PDGFD: variants seen among roughly 807,000 people sequenced by gnomAD.
The protein encoded by PDGFD is platelet-derived growth factor D.
A neutral mutation model predicts 44.7 loss-of-function variants in PDGFD; 30 were observed. That is an observed-to-expected ratio of 0.67 (90% CI 0.50 to 0.91). The LOEUF is 0.91. PDGFD is among the 40% of genes least tolerant of loss of function. PDGFD has a pLI of 0.00. For missense variants in PDGFD, 445 were observed against 457.8 expected, an observed-to-expected ratio of 0.97 and a Z score of 0.25; for synonymous variants, 173 against 168.4, an observed-to-expected ratio of 1.03 and a Z score of -0.21.
intron 1 of PDGFD, among the ~76,000 whole-genome samples, chr11:104,085,324 T>C (rs61892467): frequency 1.5e-3 from 229 of 152,300 alleles, no homozygotes; most frequent in Non-Finnish European, 2.4e-3. Context: ...GTTATATAAG[T>C]AGGCTGCTTT....
At chr11:104,060,338 C>T (rs560765922) in intron 1 of PDGFD, among the ~76,000 whole-genome samples, 14 of 152,314 alleles carry the variant, frequency 9.2e-5, no homozygotes, top group African/African-American at 3.4e-4. Flanking sequence ...GGCTTTTCCA[C>T]TGTCTTGGAC....
chr11:103,944,524 A>AT, intron 4 of PDGFD, among the ~76,000 whole-genome samples: 1 of 152,288 alleles, frequency 6.6e-6, no homozygotes, highest in African/African-American at 2.4e-5. Flanking sequence ...GCCTCAAATG[A>AT]TTTTTAAATG....
chr11:104,011,580 G>C (rs1859787947), intron 1 of PDGFD, among the ~76,000 whole-genome samples: 2 of 152,012 alleles, frequency 1.3e-5, no homozygotes, highest in Admixed American at 1.3e-4. Flanking sequence ...AGTTGGGACA[G>C]AGTTTTCATA....
intron 1 of PDGFD, among the ~76,000 whole-genome samples, chr11:104,034,091 T>A (rs17101842): frequency 6.6e-6 from 1 of 152,200 alleles, no homozygotes; most frequent in South Asian, 2.1e-4. Context: ...CTCCTTGTCA[T>A]CTTTCTAAAC....
At chr11:103,933,585 T>C (rs1016344180) in intron 5 of PDGFD, among the ~76,000 whole-genome samples, 6 of 152,222 alleles carry the variant, frequency 3.9e-5, no homozygotes, top group Non-Finnish European at 8.8e-5. Flanking sequence ...AGATTCTTAA[T>C]CAGACAATTC....
chr11:103,944,134 G>A (rs924675368), intron 4 of PDGFD, among the ~76,000 whole-genome samples: 7 of 152,090 alleles, frequency 4.6e-5, no homozygotes, highest in African/African-American at 9.7e-5. Flanking sequence ...AGCAATGTAC[G>A]AATCTACTCT....
At chr11:104,089,277 A>G (rs1455155607) in intron 1 of PDGFD, among the ~76,000 whole-genome samples, 1 of 152,200 alleles carries the variant, frequency 6.6e-6, no homozygotes, top group Admixed American at 6.5e-5. Flanking sequence ...CACATGAATT[A>G]GGAAAAAGAA....
intron 3 of PDGFD, among the ~76,000 whole-genome samples, chr11:103,968,635 G>A (rs1036991065): frequency 6.6e-6 from 1 of 152,162 alleles, no homozygotes; most frequent in East Asian, 1.9e-4. Flanking sequence ...GGTTCGTCAT[G>A]TCTCTTTTGG....
intron 3 of PDGFD, among the ~76,000 whole-genome samples, chr11:103,979,697 G>C (rs1393172767): frequency 6.6e-6 from 1 of 152,090 alleles, no homozygotes; most frequent in Admixed American, 6.6e-5. Flanking sequence ...CACAGAGATG[G>C]GGTGAGTCAG....
At chr11:104,005,582 C>T (rs1220120231) in intron 1 of PDGFD, among the ~76,000 whole-genome samples, 1 of 152,196 alleles carries the variant, frequency 6.6e-6, no homozygotes, top group Non-Finnish European at 1.5e-5. Context: ...CTTTGGTGTT[C>T]CAATAACAGC....
chr11:104,147,593 T>C (rs1862182118), intron 1 of PDGFD, among the ~76,000 whole-genome samples: 3 of 152,152 alleles, frequency 2.0e-5, no homozygotes, highest in Non-Finnish European at 4.4e-5. Flanking sequence ...AGGACTGAAA[T>C]TTTTTAATGC....
intron 1 of PDGFD, chr11:104,036,777 G>T (rs1191973244): frequency 6.6e-7 from 1 of 1,509,276 alleles, no homozygotes; most frequent in Admixed American, 1.8e-5. Flanking sequence ...GCCCGCCAGT[G>T]AGCCGCCCAT....
chr11:104,037,625 T>A lies in PDGFD; in HGVS notation c.125-37370A>T. On this transcript the variant is annotated intron_variant, in intron 1 of 6. Transcript: ENST00000393158. ...GACTCGGGCGCCCAGATGACCATTA[T>A]GAGCCAGGCTTGTGCCGAGCGATGT... 1.2e-6 allele frequency: 2 copies of A among 1,614,162 alleles called. No individual in the cohort carries two copies. The highest frequency in any genetic ancestry group is 1.7e-6 in the Non-Finnish European group (2 of 1,180,032).
chr11:104,000,102 A>G lies in PDGFD; in HGVS notation c.278T>C (p.Leu93Pro). 1.2e-6 allele frequency: 2 copies of G among 1,614,090 alleles called. No individual in the cohort carries two copies. Among genetic ancestry groups the G allele is most frequent in the Non-Finnish European group, 1.7e-6 (2 of 1,180,008 alleles). ...LHSQENTRIQ[L>P]VFDNQFGLEE... Reference sequence around the variant, plus strand: ...TAATCCAAACTGATTGTCAAACACTAGCTGTATCCGTGTATTCTCCTGAGA... The same window carrying G: ...TAATCCAAACTGATTGTCAAACACTGGCTGTATCCGTGTATTCTCCTGAGA... The change falls in exon 2 of 7, where the codon CTA (leucine) becomes CCA (proline). Residue 93 changes from leucine to proline, a missense_variant. Transcript: ENST00000393158.
chr11:104,127,791 T>G (rs1861861084), intron 1 of PDGFD, among the ~76,000 whole-genome samples: 1 of 152,084 alleles, frequency 6.6e-6, no homozygotes, highest in Non-Finnish European at 1.5e-5. Flanking sequence ...AGATGAATGA[T>G]AAGTAAGGTA....
chr11:104,117,136 G>A (rs1861653914), intron 1 of PDGFD, among the ~76,000 whole-genome samples: 1 of 151,914 alleles, frequency 6.6e-6, no homozygotes, highest in Non-Finnish European at 1.5e-5. Context: ...AAAATCAAAT[G>A]ATCATCTCAA....
intron 1 of PDGFD, among the ~76,000 whole-genome samples, chr11:104,141,661 C>T (rs886088359): frequency 1.3e-5 from 2 of 152,176 alleles, no homozygotes; most frequent in Admixed American, 6.5e-5. Flanking sequence ...TCCATGTGAG[C>T]CCTAAATGCA....
At chr11:104,087,288 CAGGTTCA>C (rs1359062925) in intron 1 of PDGFD, among the ~76,000 whole-genome samples, 1 of 151,552 alleles carries the variant, frequency 6.6e-6, no homozygotes, top group African/African-American at 2.4e-5. Flanking sequence ...CTCCACCTCC[CAGGTTCA>C]AGTGATTCTC....
In PDGFD at chr11:104,138,925, C is replaced by T. The variant is rs147807727; in HGVS notation, c.124+24879G>A. Among the ~76,000 whole-genome samples, 1,108 of 152,176 alleles carry T rather than the reference C, an allele frequency of 7.3e-3. 7 individuals are homozygous for T. Among genetic ancestry groups the T allele is most frequent in the African/African-American group, 0.024 (994 of 41,514 alleles). On this transcript the variant is annotated intron_variant, in intron 1 of 6. Transcript: ENST00000393158. ...TACAGGCACAAGTCACCACGTCCAG[C>T]TAATTTTTGTATTTTTAGTAGAGAC...
Sources: gnomAD v4.1 joint callset for allele counts (sites outside exome capture counted in the v4.1 genomes callset) on GRCh38, gnomAD v4.1.1 for gene constraint, MANE v1.5 for transcripts, NCBI Gene and HGNC (gene_info 2026-07-23, HGNC 2026-07-21) for gene names.